The following NME9 variants were observed in gnomAD, a reference collection of about 807,000 sequenced individuals.
The protein encoded by NME9 is thioredoxin domain-containing protein 6.
In NME9, 48 loss-of-function variants were observed where a neutral mutation model predicts 44.4. The ratio of observed to expected loss-of-function variants is 1.08; its 90% CI spans 0.86 to 1.37. The LOEUF (loss-of-function observed/expected upper bound fraction) is 1.37. Ranked by LOEUF, NME9 falls within the 40% of genes most tolerant of loss-of-function variation. The pLI is 0.00. For synonymous variants in NME9, 139 were observed against 147.1 expected, an observed-to-expected ratio of 0.94 and a Z score of 0.40; for missense variants, 325 against 405.2, an observed-to-expected ratio of 0.80 and a Z score of 1.70.
At chr3:138,325,905 GA>G (rs961525467) in intron 1 of NME9, among the ~76,000 whole-genome samples, 1 of 151,092 alleles carries the variant, frequency 6.6e-6, no homozygotes, top group African/African-American at 2.4e-5. Context: ...AAAATCAGGG[GA>G]AAAAAACACT....
chr3:138,270,902 T>C (rs1446754095), intron 8 of NME9, among the ~76,000 whole-genome samples: 2 of 152,216 alleles, frequency 1.3e-5, no homozygotes, highest in Non-Finnish European at 2.9e-5. Flanking sequence ...ATTTACAATT[T>C]AATTGCTCTG....
At chr3:138,272,330 G>A (rs778900829) in intron 8 of NME9, among the ~76,000 whole-genome samples, 7 of 152,162 alleles carry the variant, frequency 4.6e-5, no homozygotes, top group Non-Finnish European at 8.8e-5. Context: ...TAGTCATTTC[G>A]TGTACAGCAG....
chr3:138,304,042 G>A (rs958511601), intron 9 of NME9, among the ~76,000 whole-genome samples: 7 of 152,160 alleles, frequency 4.6e-5, no homozygotes, highest in African/African-American at 1.2e-4. Flanking sequence ...CAATAACCTC[G>A]TAAGATAATA....
rs1303167769 is a variant in NME9, at chr3:138,306,433, C to A, written c.508G>T (p.Val170Leu). The A allele has an allele frequency of 6.2e-7, 1 of 1,613,610 alleles. No individual in the cohort carries two copies. The highest frequency in any genetic ancestry group is 1.7e-5 in the Admixed American group (1 of 59,988). The part of the protein sequence containing the change: ...CTLAIIKPDA[V>L]AHGKTDEIIM... ...ATCTCATCAGTCTTTCCATGGGCCA[C>A]TGCATCTGGTTTAATGATGGCCAAG... The change falls in exon 7 of 11, where the codon GTG becomes TTG. Residue 170 changes from valine to leucine, a missense_variant. By Grantham distance (32) the Val-to-Leu change is conservative. Transcript: ENST00000333911.
chr3:138,280,497 CTTTTT>C (rs1039909334), intron 8 of NME9, among the ~76,000 whole-genome samples: 1 of 107,104 alleles, frequency 9.3e-6, no homozygotes, highest in African/African-American at 3.5e-5. Context: ...TCTTTTTTTT[CTTTTT>C]TTTTTTTTTG....
At chr3:138,302,469 C>T (rs1166229284) in intron 10 of NME9, among the ~76,000 whole-genome samples, 1 of 152,148 alleles carries the variant, frequency 6.6e-6, no homozygotes, top group African/African-American at 2.4e-5. Flanking sequence ...ACCCTGGACA[C>T]ATAAGGAAAT....
chr3:138,321,846 G>C (rs2053482722), intron 2 of NME9, among the ~76,000 whole-genome samples: 1 of 151,880 alleles, frequency 6.6e-6, no homozygotes, highest in South Asian at 2.1e-4. Flanking sequence ...GAACTAGCGA[G>C]GGGTGGGGAG....
At chr3:138,299,361 A>T (rs1335982993), downstream of NME9, among the ~76,000 whole-genome samples, 2 of 151,986 alleles carry the variant, frequency 1.3e-5, no homozygotes, top group Non-Finnish European at 2.9e-5. Context: ...ACCCTCCTTG[A>T]CTTCATGGAG....
At chr3:138,324,112 A>G in intron 2 of NME9, 2 of 225,034 alleles carry the variant, frequency 8.9e-6, no homozygotes, top group East Asian at 9.8e-5. Context: ...CCTCATGGAG[A>G]AACCAATGGC....
chr3:138,289,367 G>A (rs181955009), intron 8 of NME9, among the ~76,000 whole-genome samples: 13 of 152,348 alleles, frequency 8.5e-5, no homozygotes, highest in African/African-American at 2.2e-4. Flanking sequence ...TGAGAAGTAA[G>A]TGACAGTCCC....
At chr3:138,310,653 T>G (rs1381334262) in intron 6 of NME9, among the ~76,000 whole-genome samples, 2 of 151,962 alleles carry the variant, frequency 1.3e-5, no homozygotes, top group Non-Finnish European at 2.9e-5. Context: ...GACAACATAC[T>G]CATGAACAAC....
At chr3:138,288,635 CTTT>C (rs547726493) in intron 8 of NME9, among the ~76,000 whole-genome samples, 7 of 109,668 alleles carry the variant, frequency 6.4e-5, no homozygotes, top group Admixed American at 1.0e-4. Flanking sequence ...CTTCTTCAGA[CTTT>C]TTTTTTTTTT....
At chr3:138,262,526 T>C (rs768857212) in exon 9 of NME9, 6 of 1,612,852 alleles carry the variant, frequency 3.7e-6, no homozygotes, top group Non-Finnish European at 4.2e-6. Context: ...GTCAGACTTC[T>C]GAATCCTCTC....
intron 8 of NME9, chr3:138,295,806 T>C: frequency 6.2e-7 from 1 of 1,600,164 alleles, no homozygotes; most frequent in Non-Finnish European, 8.6e-7. Context: ...ATAGGGTTTT[T>C]TACCCCAATT....
intron 9 of NME9, 102 bp downstream of exon 9, chr3:138,304,771 C>T: frequency 1.8e-6 from 2 of 1,133,924 alleles, no homozygotes; most frequent in Non-Finnish European, 2.6e-6. Flanking sequence ...ATCAGAGAGT[C>T]CTCTGTGTTA....
chr3:138,277,944 G>T (rs1290283253), intron 8 of NME9, among the ~76,000 whole-genome samples: 1 of 152,184 alleles, frequency 6.6e-6, no homozygotes, highest in South Asian at 2.1e-4. Flanking sequence ...GTTGCTGTAT[G>T]TAACAACATG....
chr3:138,308,945 G>GAAAA (rs1002890235), intron 6 of NME9, among the ~76,000 whole-genome samples: 1,078 of 47,710 alleles, frequency 0.023, 21 homozygotes, highest in African/African-American at 0.034. Context: ...AATACTGAAA[G>GAAAA]AAAAAAAAAA....
At chr3:138,267,317 A>T in intron 8 of NME9, 1 of 878,742 alleles carries the variant, frequency 1.1e-6, no homozygotes, top group Non-Finnish European at 1.7e-6. Flanking sequence ...ATAGTAGTTG[A>T]CATTGAAATC....
chr3:138,268,847 T>C (rs2048523104), intron 8 of NME9, among the ~76,000 whole-genome samples: 1 of 152,198 alleles, frequency 6.6e-6, no homozygotes, highest in Non-Finnish European at 1.5e-5. Context: ...AGAGCATTTT[T>C]TTTGTGCCAA....
Sources: gnomAD v4.1 joint callset for allele counts (sites outside exome capture counted in the v4.1 genomes callset) on GRCh38, gnomAD v4.1.1 for gene constraint, MANE v1.5 for transcripts, NCBI Gene and HGNC (gene_info 2026-07-23, HGNC 2026-07-21) for gene names.